Variants in KDM6A observed in about 807,000 individuals in gnomAD.
The protein encoded by KDM6A is lysine demethylase 6A.
Under a neutral mutation model 117.6 loss-of-function variants are expected in KDM6A, and 11 were observed. That is an observed-to-expected ratio of 0.09 (90% CI 0.06 to 0.15). The LOEUF (loss-of-function observed/expected upper bound fraction) is 0.15. KDM6A is among the 10% of genes least tolerant of loss of function. The probability of loss-of-function intolerance (pLI) is 1.00; values close to 1 mark genes in which losing one functional copy is unlikely to be tolerated. For synonymous variants in KDM6A, 384 were observed against 396.1 expected (o/e 0.97, Z 0.36); for missense variants, 799 against 1,077.3 (o/e 0.74, Z 3.62).
intron 2 of KDM6A, among the ~76,000 whole-genome samples, chrX:44,898,606 A>G (rs2034076442): frequency 9.0e-6 from 1 of 111,237 alleles, no homozygotes; most frequent in African/African-American, 3.3e-5. Context: ...CCTCCTTGCT[A>G]ATGGGTGGTG....
At chrX:45,086,708 T>G (rs2045654350) in intron 25 of KDM6A, among the ~76,000 whole-genome samples, 1 of 112,168 alleles carries the variant, frequency 8.9e-6, no homozygotes, top group Non-Finnish European at 1.9e-5. Flanking sequence ...TGGAATTTTT[T>G]TTTAGTTGGT....
intron 4 of KDM6A, among the ~76,000 whole-genome samples, chrX:45,003,166 A>G (rs1214741495): frequency 1.8e-5 from 2 of 110,062 alleles, no homozygotes; most frequent in Non-Finnish European, 3.8e-5. Context: ...ATTATTAGGC[A>G]ATTTTCCTAA....
At chrX:44,926,648 A>G (rs944688792) in intron 2 of KDM6A, among the ~76,000 whole-genome samples, 2 of 111,485 alleles carry the variant, frequency 1.8e-5, no homozygotes, top group African/African-American at 6.5e-5. Flanking sequence ...TGTATTTTTG[A>G]TAGATATTGA....
intron 8 of KDM6A, among the ~76,000 whole-genome samples, chrX:45,038,593 T>G (rs1449929341): frequency 4.4e-5 from 4 of 91,689 alleles, no homozygotes; most frequent in African/African-American, 8.3e-5. Context: ...ATAACACATT[T>G]GGGGGGGGGT....
At position 44,903,919 on chromosome X, in the gene KDM6A, G is replaced by A. The variant is rs186271151; in HGVS notation, c.225+29932G>A. 5.2e-3 allele frequency among the ~76,000 whole-genome samples: 582 copies of A among 111,614 alleles called. 9 individuals carry two copies. Among genetic ancestry groups the A allele is most frequent in the African/African-American group, 0.016 (481 of 30,765 alleles). On this transcript the variant is annotated intron_variant, in intron 2 of 29. Transcript: ENST00000611820. Reference sequence around the variant, plus strand: ...ACTTGAGGTCATGTTTATAATAGCTGACTTTTAAAGTTTTGTCTAGTAAGC... The same window carrying A: ...ACTTGAGGTCATGTTTATAATAGCTAACTTTTAAAGTTTTGTCTAGTAAGC...
At chrX:44,916,414 A>G (rs1382006557) in intron 2 of KDM6A, among the ~76,000 whole-genome samples, 3 of 111,480 alleles carry the variant, frequency 2.7e-5, no homozygotes, top group African/African-American at 9.8e-5. Flanking sequence ...AAGGAAGGAA[A>G]GAAGGATCTG....
chrX:44,895,457 C>CTTTTTTTTTTTT (rs1225560971), intron 2 of KDM6A, among the ~76,000 whole-genome samples: 1 of 81,734 alleles, frequency 1.2e-5, no homozygotes, highest in Non-Finnish European at 2.3e-5. Flanking sequence ...TTATTGATTG[C>CTTTTTTTTTTTT]TTTTTTTTTT....
chrX:45,060,295 G>A lies in KDM6A; in HGVS notation c.1329+139G>A, dbSNP rs925960885. 31 of 1,017,728 alleles carry A rather than the reference G, an allele frequency of 3.0e-5. No individual in the cohort carries two copies. The African/African-American group carries it at 6.0e-4, about 20-fold the overall frequency. The allele number at this position is 1,017,728 out of a possible 1,213,427, so 83.9% of individuals were successfully genotyped here. On this transcript the variant is annotated intron_variant, in intron 13 of 29. Coordinates refer to ENST00000611820, the MANE Select transcript of KDM6A (RefSeq NM_001291415.2). ...TTGATTTAATTGCAAAGGGAATCTA[G>A]ATCAAAATAAAATTCCCTCTAATAT...
At chrX:45,011,872 A>G (rs865777304) in intron 5 of KDM6A, among the ~76,000 whole-genome samples, 1 of 109,566 alleles carries the variant, frequency 9.1e-6, no homozygotes, top group Middle Eastern at 4.7e-3. Context: ...TGCAGTCTCA[A>G]TCTATTGTGT....
intron 2 of KDM6A, among the ~76,000 whole-genome samples, chrX:44,907,478 T>C (rs1229387031): frequency 3.8e-5 from 4 of 104,797 alleles, no homozygotes; most frequent in Non-Finnish European, 7.8e-5. Context: ...TGGTTTTTTT[T>C]TTCTTTTTTT....
chrX:45,088,489 G>GT lies in KDM6A; in HGVS notation c.3705-1246dup, dbSNP rs775028539. Among the ~76,000 whole-genome samples the GT allele has an allele frequency of 6.9e-4, 78 of 113,234 alleles. No homozygotes were observed. In the South Asian group the frequency reaches 7.8e-3, roughly 11 times the overall value. On this transcript the variant is annotated intron_variant, in intron 25 of 29. Coordinates refer to ENST00000611820, the MANE Select transcript of KDM6A (RefSeq NM_001291415.2). ...AATGGACATAGCTGTATTCTAATGA[G>GT]TTTTTTTTACAGAAACAGGCAGTGG...
Position 45,110,094 on chromosome X carries a change from C to T in KDM6A, c.4177C>T (p.Leu1393=), listed in dbSNP as rs1400151043. The T allele has an allele frequency of 4.1e-6, 5 of 1,210,070 alleles. No individual in the cohort carries two copies. The highest frequency in any genetic ancestry group is 5.6e-6 in the Non-Finnish European group (5 of 894,058). Residue 1393 remains leucine (L), a synonymous_variant, in exon 29 of 30, where the codon CTG becomes TTG. Transcript: ENST00000611820. ...CSICEVEVFD[L]LFVTNESNSR... ...TATAAAACAGGTGGAGGTTTTTGAT[C>T]TGCTTTTTGTCACTAATGAGAGTAA...
intron 2 of KDM6A, among the ~76,000 whole-genome samples, chrX:44,909,910 C>T (rs2034974433): frequency 8.9e-6 from 1 of 111,897 alleles, no homozygotes; most frequent in Non-Finnish European, 1.9e-5. Flanking sequence ...CACTTTGTGG[C>T]TGTTTAGGAT....
chrX:45,035,932 C>T (rs1057266047), intron 7 of KDM6A, among the ~76,000 whole-genome samples: 2 of 110,775 alleles, frequency 1.8e-5, no homozygotes, highest in African/African-American at 6.6e-5. Flanking sequence ...ATCTCCTGAC[C>T]TCGTGATCCT....
intron 8 of KDM6A, among the ~76,000 whole-genome samples, chrX:45,040,698 ACGGGGCGGC>A (rs2043099162): frequency 1.9e-5 from 1 of 51,628 alleles, no homozygotes; most frequent in African/African-American, 8.4e-5. Flanking sequence ...TCCCTCCCGG[ACGGGGCGGC>A]TGGACGGGCG....
rs2035301207 is a variant in KDM6A at position 44,912,932 on chromosome X, T to C, written c.225+38945T>C. Among the ~76,000 whole-genome samples, 3 of 112,499 alleles carry C rather than the reference T, an allele frequency of 2.7e-5. No homozygotes were observed. In the Admixed American group the frequency reaches 2.8e-4, roughly 11 times the overall value. ...GTGTTATACTCAAAGTTTGCAATGT[T>C]ATCTGCCCTCATTGCTTTTAAGTAA... On this transcript the variant is annotated intron_variant, in intron 2 of 29. Coordinates refer to ENST00000611820, the MANE Select transcript of KDM6A (RefSeq NM_001291415.2).
rs182683539 is a variant in KDM6A, at chrX:45,102,427, G to A, written c.4035-4983G>A. On this transcript the variant is annotated intron_variant, in intron 27 of 29. Coordinates refer to ENST00000611820, the MANE Select transcript of KDM6A (RefSeq NM_001291415.2). ...AGAATTTCAAAATGTAAATTAAAGC[G>A]AACTCATAAGTATTAACTCCCTTTT... Among the ~76,000 whole-genome samples the A allele has an allele frequency of 2.5e-3, 278 of 111,752 alleles. 1 individual carries two copies. Among genetic ancestry groups the A allele is most frequent in the African/African-American group, 8.3e-3 (256 of 30,745 alleles).
Position 45,082,260 on chromosome X carries a change from C to T in KDM6A, c.3301-316C>T, listed in dbSNP as rs777023045. On this transcript the variant is annotated intron_variant, in intron 21 of 29. Transcript: ENST00000611820. The stretch of plus-strand genomic sequence containing the variant: ...CTAGCCTGGGCAACATGGCAAAACC[C>T]CATCTCTACCAAAAATACAAAAATT... The T allele has an allele frequency of 2.4e-5, 6 of 254,181 alleles. No homozygotes were observed. In the South Asian group the frequency reaches 2.7e-4, roughly 11 times the overall value. The allele number at this position is 254,181 out of a possible 1,213,427, so 20.9% of individuals were successfully genotyped here.
intron 2 of KDM6A, among the ~76,000 whole-genome samples, chrX:44,897,197 A>T (rs142500122): frequency 1.3e-5 from 1 of 74,586 alleles, no homozygotes; most frequent in Admixed American, 1.6e-4. Context: ...AATTCTACTG[A>T]TTGGTTCACT....
Sources: allele counts gnomAD v4.1 joint callset (sites outside exome capture counted in the v4.1 genomes callset), GRCh38; gene constraint gnomAD v4.1.1; transcripts MANE v1.5; gene names NCBI Gene and HGNC (gene_info 2026-07-23, HGNC 2026-07-21).